Variants in TANC2 observed in about 807,000 individuals in gnomAD.
The protein encoded by TANC2 is tetratricopeptide repeat, ankyrin repeat and coiled-coil containing 2.
TANC2 carries 26 observed loss-of-function variants against 210.5 expected under a neutral mutation model. The observed-to-expected ratio is 0.12, with a 90% CI of 0.09 to 0.17. The LOEUF is 0.17. Among genes scored for constraint, TANC2 ranks in the 10% least tolerant of loss-of-function variants. The pLI is 1.00. For missense variants in TANC2, 2,129 were observed against 2,608.9 expected, an observed-to-expected ratio of 0.82 and a Z score of 4.01; for synonymous variants, 931 against 967.1, an observed-to-expected ratio of 0.96 and a Z score of 0.69.
intron 3 of TANC2, among the ~76,000 whole-genome samples, chr17:63,094,300 G>A (rs1411465584): frequency 6.6e-6 from 1 of 152,066 alleles, no homozygotes; most frequent in East Asian, 1.9e-4. Flanking sequence ...ACAGAGTGAT[G>A]ATACGAGCTC....
chr17:63,022,480 A>T (rs954418608), intron 2 of TANC2, among the ~76,000 whole-genome samples: 1 of 152,320 alleles, frequency 6.6e-6, no homozygotes, highest in Middle Eastern at 3.4e-3. Context: ...GATATAATTT[A>T]TAATTAAAAG....
chr17:63,078,115 A>G (rs1361178812), intron 3 of TANC2, among the ~76,000 whole-genome samples: 1 of 152,142 alleles, frequency 6.6e-6, no homozygotes, highest in Non-Finnish European at 1.5e-5. Flanking sequence ...TAACTGTTTG[A>G]TACAATTTCT....
At position 63,363,279 on chromosome 17, in the gene TANC2, T is replaced by A. The variant is rs555517181; in HGVS notation, c.2582+7889T>A. ...TATTAATCCCTTGTCAAATGGGTAG[T>A]TTGCAAGTATTTTCTTCCATTCTAT... is the stretch of plus-strand genomic sequence containing the variant. On this transcript the variant is annotated intron_variant, in intron 14 of 27. Transcript: ENST00000689528. Among the ~76,000 whole-genome samples the A allele has an allele frequency of 5.3e-5, 8 of 152,348 alleles. No individual in the cohort carries two copies. The South Asian group carries it at 1.7e-3, about 32-fold the overall frequency.
In TANC2 at chr17:63,352,589, A is replaced by G. The variant is rs532415030; in HGVS notation, c.1974+1173A>G. Among the ~76,000 whole-genome samples the G allele has an allele frequency of 3.3e-5, 5 of 152,312 alleles. No homozygotes were observed. The East Asian group carries it at 9.6e-4, about 29-fold the overall frequency. On this transcript the variant is annotated intron_variant, in intron 13 of 27. Transcript: ENST00000689528. ...GCTTTACCAAATGGATGCTTTGGAG[A>G]TGTTATCCTCATACATATTCTCACA...
At chr17:62,983,373 A>T (rs1034969420) in intron 1 of TANC2, among the ~76,000 whole-genome samples, 2 of 151,644 alleles carry the variant, frequency 1.3e-5, no homozygotes, top group Non-Finnish European at 2.9e-5. Flanking sequence ...TTTTTATTTT[A>T]ATTTAAAATT....
intron 2 of TANC2, among the ~76,000 whole-genome samples, chr17:63,062,817 A>C (rs751232747): frequency 9.2e-5 from 14 of 152,330 alleles, no homozygotes; most frequent in Non-Finnish European, 1.9e-4. Flanking sequence ...CATACAGAGC[A>C]CTTCTGTGAC....
At chr17:63,067,161 C>T (rs1038837542) in intron 2 of TANC2, among the ~76,000 whole-genome samples, 13 of 152,028 alleles carry the variant, frequency 8.6e-5, no homozygotes, top group African/African-American at 1.5e-4. Flanking sequence ...TCATAATGTC[C>T]GGATGCAACC....
At chr17:63,328,374 A>G (rs932560367) in intron 11 of TANC2, among the ~76,000 whole-genome samples, 5 of 121,354 alleles carry the variant, frequency 4.1e-5, no homozygotes, top group South Asian at 2.6e-4. Context: ...GTGTATGTGT[A>G]TATGTGTGTG....
intron 7 of TANC2, among the ~76,000 whole-genome samples, chr17:63,201,808 C>G (rs1346370943): frequency 9.0e-6 from 1 of 110,740 alleles, no homozygotes; most frequent in Non-Finnish European, 1.8e-5. Context: ...TCATCAGAGC[C>G]AGACGTGGAC....
At chr17:63,239,365 T>TA (rs1242943060) in intron 8 of TANC2, among the ~76,000 whole-genome samples, 2 of 152,316 alleles carry the variant, frequency 1.3e-5, no homozygotes, top group African/African-American at 4.8e-5. Context: ...GTCCAGACTA[T>TA]AAAATCAAAG....
At chr17:63,004,235 T>C (rs2033511639) in intron 1 of TANC2, among the ~76,000 whole-genome samples, 1 of 152,208 alleles carries the variant, frequency 6.6e-6, no homozygotes, top group Non-Finnish European at 1.5e-5. Flanking sequence ...GGGCGCCATC[T>C]CAGTGGCATC....
intron 8 of TANC2, among the ~76,000 whole-genome samples, chr17:63,244,246 A>T (rs1409357283): frequency 6.6e-6 from 1 of 152,146 alleles, no homozygotes; most frequent in African/African-American, 2.4e-5. Flanking sequence ...TGTTGCCATG[A>T]TGCTTGCTCT....
At position 63,405,268 on chromosome 17, in the gene TANC2, AC is replaced by A; in HGVS notation, c.3465+15del. Reference sequence around the variant, plus strand: ...GGGCCACTGGCAGGTAAGCAGGGCGACCACTTCCAGTCCCTCAGGCAGGACT... The same window carrying A: ...GGGCCACTGGCAGGTAAGCAGGGCGACACTTCCAGTCCCTCAGGCAGGACT... On this transcript the variant is annotated intron_variant, in intron 20 of 27. Coordinates refer to ENST00000689528, the Ensembl canonical transcript of TANC2. 1 of 1,552,518 alleles carries A rather than the reference AC, an allele frequency of 6.4e-7. No individual in the cohort carries two copies. The highest frequency in any genetic ancestry group is 8.8e-7 in the Non-Finnish European group (1 of 1,141,218).
chr17:63,121,586 A>G (rs1199588943), intron 4 of TANC2, among the ~76,000 whole-genome samples: 1 of 152,124 alleles, frequency 6.6e-6, no homozygotes, highest in Non-Finnish European at 1.5e-5. Flanking sequence ...TGCAAATCTC[A>G]TATTTCTTTA....
intron 2 of TANC2, among the ~76,000 whole-genome samples, chr17:63,048,071 G>C (rs186833701): frequency 1.6e-3 from 244 of 152,230 alleles, no homozygotes; most frequent in African/African-American, 5.7e-3. Flanking sequence ...CTTTACCCCA[G>C]GTATAGGTAG....
chr17:63,151,256 CTT>C lies in TANC2; in HGVS notation c.323-10_323-9del, dbSNP rs1413109047. 1.0e-6 allele frequency: 1 copy of C among 979,498 alleles called. No homozygotes were observed. The highest frequency in any genetic ancestry group is 1.8e-5 in the African/African-American group (1 of 57,092). The allele number at this position is 979,498 out of a possible 1,614,324, so 60.7% of individuals were successfully genotyped here. ...TCTGTCTCTTGCTTGCTCTCTCTCT[CTT>C]TTTGTTCTTAGCCCCTCTGAGGAAG... On this transcript the variant is annotated splice_polypyrimidine_tract_variant and intron_variant, in intron 4 of 27. Coordinates refer to ENST00000689528, the Ensembl canonical transcript of TANC2.
chr17:63,364,728 A>G (rs903014171), intron 14 of TANC2, among the ~76,000 whole-genome samples: 7 of 152,138 alleles, frequency 4.6e-5, no homozygotes, highest in Non-Finnish European at 8.8e-5. Flanking sequence ...TCAAGGTTAC[A>G]GTGAGGTATG....
chr17:63,158,811 T>C (rs1232932286), intron 5 of TANC2, among the ~76,000 whole-genome samples: 1 of 152,240 alleles, frequency 6.6e-6, no homozygotes, highest in Non-Finnish European at 1.5e-5. Flanking sequence ...GTTCTGTGGC[T>C]CTCACAGGTT....
intron 1 of TANC2, among the ~76,000 whole-genome samples, chr17:62,994,661 T>G (rs1199573312): frequency 6.6e-6 from 1 of 152,216 alleles, no homozygotes; most frequent in Non-Finnish European, 1.5e-5. Flanking sequence ...TTACATTGAT[T>G]TTCATATGCT....
Sources: allele counts gnomAD v4.1 joint callset (sites outside exome capture counted in the v4.1 genomes callset), GRCh38; gene constraint gnomAD v4.1.1; transcripts MANE v1.5; gene names NCBI Gene and HGNC (gene_info 2026-07-23, HGNC 2026-07-21).